The following MCUB variants were observed in gnomAD, a reference collection of about 807,000 sequenced individuals.
The protein encoded by MCUB is calcium uniporter regulatory subunit MCUb, mitochondrial.
MCUB carries 46 observed loss-of-function variants against 41.4 expected under a neutral mutation model. The observed-to-expected ratio is 1.11, with a 90% CI of 0.88 to 1.42. The LOEUF is 1.42. Among genes scored for constraint, MCUB ranks in the 40% most tolerant of loss-of-function variants. The pLI is 0.00. For missense variants in MCUB, 403 were observed against 404.9 expected, an observed-to-expected ratio of 1.00 and a Z score of 0.04; for synonymous variants, 148 against 148.2, an observed-to-expected ratio of 1.00 and a Z score of 0.01.
rs376240817 is a variant in MCUB, at chr4:109,633,593, A to G, written c.100-25418A>G. ...CTTTAATTAATTTTTAAATGAAACT[A>G]TAAGTACATCACTAAATATGCCTGA... is the stretch of plus-strand genomic sequence containing the variant. On this transcript the variant is annotated intron_variant, in intron 1 of 7. Coordinates refer to ENST00000394650, the MANE Select transcript of MCUB (RefSeq NM_017918.5). Among the ~76,000 whole-genome samples the G allele has an allele frequency of 2.6e-5, 4 of 152,192 alleles. No individual in the cohort carries two copies. In the East Asian group the frequency reaches 5.8e-4, roughly 22 times the overall value.
intron 7 of MCUB, among the ~76,000 whole-genome samples, chr4:109,686,676 C>A (rs1729845466): frequency 6.6e-6 from 1 of 151,994 alleles, no homozygotes; most frequent in African/African-American, 2.4e-5. Context: ...AAATTGGAGA[C>A]CAGTCTAGTC....
chr4:109,627,228 T>C (rs1285713024), intron 1 of MCUB, among the ~76,000 whole-genome samples: 1 of 152,212 alleles, frequency 6.6e-6, no homozygotes, highest in Non-Finnish European at 1.5e-5. Flanking sequence ...TTTTTGTGAC[T>C]GACAGAAGAT....
chr4:109,685,373 C>T lies in MCUB; in HGVS notation c.933+6C>T, dbSNP rs780117138. ...TAAAAGAAGACCTTGCTAAGGTATACTACAAATACATCTTATAGCTGGTTT... is the reference window on the plus strand; with the variant it reads ...TAAAAGAAGACCTTGCTAAGGTATATTACAAATACATCTTATAGCTGGTTT... On this transcript the variant is annotated splice_donor_region_variant and intron_variant, in intron 7 of 7. Transcript: ENST00000394650. The T allele has an allele frequency of 2.5e-6, 3 of 1,197,056 alleles. No individual in the cohort carries two copies. Among genetic ancestry groups the T allele is most frequent in the South Asian group, 1.2e-5 (1 of 82,016 alleles). The allele number at this position is 1,197,056 out of a possible 1,614,324, so 74.2% of individuals were successfully genotyped here. A position where few individuals can be genotyped will look rare whatever the true frequency, so the allele number is the denominator to read the frequency against.
chr4:109,586,961 C>G (rs1727321207), intron 1 of MCUB, among the ~76,000 whole-genome samples: 3 of 152,224 alleles, frequency 2.0e-5, no homozygotes, highest in Admixed American at 2.0e-4. Context: ...AGCTCAAACA[C>G]CGTGCTGGGA....
chr4:109,656,558 T>C lies in MCUB; in HGVS notation c.100-2453T>C, dbSNP rs140756649. 3.6e-3 allele frequency among the ~76,000 whole-genome samples: 547 copies of C among 151,560 alleles called. 7 individuals are homozygous for C. The highest frequency in any genetic ancestry group is 0.013 in the East Asian group (67 of 5,110). ...TGCCAGACTTTTTCTGTAATTTTTG[T>C]AGAGACAGGGTTTCACCATGTTACC... On this transcript the variant is annotated intron_variant, in intron 1 of 7. Transcript: ENST00000394650.
intron 1 of MCUB, among the ~76,000 whole-genome samples, chr4:109,616,213 A>G (rs1391762861): frequency 1.3e-5 from 2 of 152,160 alleles, no homozygotes; most frequent in African/African-American, 4.8e-5. Flanking sequence ...CCTTTTAATT[A>G]TTTCCTTTCC....
intron 1 of MCUB, among the ~76,000 whole-genome samples, chr4:109,600,353 A>G (rs187353591): frequency 4.6e-5 from 7 of 152,316 alleles, no homozygotes; most frequent in South Asian, 2.1e-4. Flanking sequence ...TAGGTAACCT[A>G]GAGTCTATGA....
rs77605700 is a variant in MCUB at position 109,664,863 on chromosome 4, C to T, written c.451+469C>T. On this transcript the variant is annotated intron_variant, in intron 4 of 7. Transcript: ENST00000394650. Reference sequence around the variant, plus strand: ...TACTTTAGGATCTTGAATGCTTAACCGACATTATTGGGTTAAGAGAGAGGT... The same window carrying T: ...TACTTTAGGATCTTGAATGCTTAACTGACATTATTGGGTTAAGAGAGAGGT... Among the ~76,000 whole-genome samples, 377 of 151,770 alleles carry T rather than the reference C, an allele frequency of 2.5e-3. 2 individuals carry two copies. The highest frequency in any genetic ancestry group is 8.7e-3 in the African/African-American group (361 of 41,346).
intron 1 of MCUB, among the ~76,000 whole-genome samples, chr4:109,569,126 A>C (rs891318283): frequency 5.3e-5 from 8 of 152,046 alleles, no homozygotes; most frequent in Non-Finnish European, 1.0e-4. Context: ...GGCTCACTGC[A>C]AGCTCCGCCT....
chr4:109,638,529 G>A (rs539500061), intron 1 of MCUB, among the ~76,000 whole-genome samples: 20 of 152,136 alleles, frequency 1.3e-4, no homozygotes, highest in African/African-American at 4.8e-4. Flanking sequence ...TTGCCTCAAT[G>A]TTGATGGCTG....
chr4:109,560,246 A>C lies in MCUB; in HGVS notation c.-92A>C. 1.7e-6 allele frequency: 1 copy of C among 598,172 alleles called. No individual in the cohort carries two copies. 37.1% of individuals were successfully genotyped at this position (598,172 alleles called of 1,614,324 possible). Reference sequence around the variant, plus strand: ...GCGAGCAGGCGGGGCGGGAGCGCCCACAGCTCGGAGCCACCAGGCGCTGAC... The same window carrying C: ...GCGAGCAGGCGGGGCGGGAGCGCCCCCAGCTCGGAGCCACCAGGCGCTGAC... On this transcript the variant is annotated 5_prime_UTR_variant, in exon 1 of 8. Coordinates refer to ENST00000394650, the MANE Select transcript of MCUB (RefSeq NM_017918.5).
intron 4 of MCUB, chr4:109,681,438 G>A (rs1258766581): frequency 2.2e-6 from 1 of 453,460 alleles, no homozygotes. Flanking sequence ...CTGGTAGAGA[G>A]TGTTACCGGG....
intron 1 of MCUB, among the ~76,000 whole-genome samples, chr4:109,562,203 C>T (rs866274223): frequency 7.9e-5 from 12 of 152,262 alleles, no homozygotes; most frequent in African/African-American, 1.9e-4. Context: ...CATACCTCAG[C>T]AGGAATGTGG....
intron 1 of MCUB, among the ~76,000 whole-genome samples, chr4:109,590,311 T>A (rs1727400843): frequency 6.6e-6 from 1 of 152,206 alleles, no homozygotes; most frequent in South Asian, 2.1e-4. Context: ...TGGCTTACCC[T>A]TTTGCTTTTC....
rs77726911 is a variant in MCUB at position 109,610,768 on chromosome 4, A to T, written c.100-48243A>T. 8.1e-3 allele frequency among the ~76,000 whole-genome samples: 1,233 copies of T among 152,338 alleles called. 16 individuals carry two copies. The highest frequency in any genetic ancestry group is 0.028 in the African/African-American group (1,156 of 41,574). On this transcript the variant is annotated intron_variant, in intron 1 of 7. Coordinates refer to ENST00000394650, the MANE Select transcript of MCUB (RefSeq NM_017918.5). Reference sequence around the variant, plus strand: ...GTTACAAACCTAGGCTATATTGTATAGCCTATTGTTCCTACACTACAAACC... The same window carrying T: ...GTTACAAACCTAGGCTATATTGTATTGCCTATTGTTCCTACACTACAAACC...
At position 109,601,077 on chromosome 4, in the gene MCUB, G is replaced by C. The variant is rs192422231; in HGVS notation, c.99+40641G>C. Among the ~76,000 whole-genome samples the C allele has an allele frequency of 5.3e-5, 8 of 151,652 alleles. 1 individual carries two copies. In the Admixed American group the frequency reaches 5.3e-4, roughly 10 times the overall value. ...CAAAGTGTTGGGATTACAGGCGTGAGCTACCGCACCCGGCCTATTGTATCT... is the reference window on the plus strand; with the variant it reads ...CAAAGTGTTGGGATTACAGGCGTGACCTACCGCACCCGGCCTATTGTATCT... On this transcript the variant is annotated intron_variant, in intron 1 of 7. Coordinates refer to ENST00000394650, the MANE Select transcript of MCUB (RefSeq NM_017918.5).
At chr4:109,569,396 T>C (rs1481110534) in intron 1 of MCUB, among the ~76,000 whole-genome samples, 1 of 151,960 alleles carries the variant, frequency 6.6e-6, no homozygotes, top group African/African-American at 2.4e-5. Flanking sequence ...ATTTCAGATA[T>C]ACTTTCATAT....
At position 109,628,949 on chromosome 4, in the gene MCUB, C is replaced by T. The variant is rs530787205; in HGVS notation, c.100-30062C>T. 2.6e-5 allele frequency among the ~76,000 whole-genome samples: 4 copies of T among 152,128 alleles called. No individual in the cohort carries two copies. In the South Asian group the frequency reaches 8.3e-4, roughly 32 times the overall value. The stretch of plus-strand genomic sequence containing the variant: ...AGGGCATTCAAGGCAAAGGAAGCCA[C>T]GGCCAAAGGTGTAGAAGCCACCGAA... On this transcript the variant is annotated intron_variant, in intron 1 of 7. Coordinates refer to ENST00000394650, the MANE Select transcript of MCUB (RefSeq NM_017918.5).
At chr4:109,637,978 C>T (rs1728632047) in intron 1 of MCUB, among the ~76,000 whole-genome samples, 1 of 152,216 alleles carries the variant, frequency 6.6e-6, no homozygotes, top group Admixed American at 6.5e-5. Context: ...TGGTTCCAGA[C>T]CACTACAGTA....
Sources: allele counts gnomAD v4.1 joint callset (sites outside exome capture counted in the v4.1 genomes callset), GRCh38; gene constraint gnomAD v4.1.1; transcripts MANE v1.5; gene names NCBI Gene and HGNC (gene_info 2026-07-23, HGNC 2026-07-21).